Variants in LIMS1 observed in about 807,000 individuals in gnomAD.
LIMS1 encodes LIM and senescent cell antigen-like-containing domain protein 1.
In LIMS1, 18 loss-of-function variants were observed where a neutral mutation model predicts 44.1. That is an observed-to-expected ratio of 0.41 (90% CI 0.28 to 0.61). LIMS1 has a LOEUF of 0.61. LIMS1 is among the 20% of genes least tolerant of loss of function. The probability of loss-of-function intolerance (pLI) is 0.32; values close to 1 mark genes in which losing one functional copy is unlikely to be tolerated. For synonymous variants in LIMS1, 93 were observed against 149.1 expected (o/e 0.62, Z 2.74); for missense variants, 201 against 422.0 (o/e 0.48, Z 4.59).
intron 1 of LIMS1, among the ~76,000 whole-genome samples, chr2:108,650,029 G>A (rs574903399): frequency 3.3e-5 from 5 of 152,120 alleles, no homozygotes; most frequent in East Asian, 3.9e-4. Context: ...TGAGGACCTC[G>A]CACAATCCTA....
At chr2:108,577,342 G>T (rs1397638026) in intron 1 of LIMS1, among the ~76,000 whole-genome samples, 2 of 152,184 alleles carry the variant, frequency 1.3e-5, no homozygotes, top group Non-Finnish European at 2.9e-5. Context: ...GCTGCATTTC[G>T]CAGCGCTTTG....
chr2:108,603,029 G>T (rs572282100), intron 1 of LIMS1, among the ~76,000 whole-genome samples: 62 of 152,236 alleles, frequency 4.1e-4, no homozygotes, highest in South Asian at 8.3e-4. Flanking sequence ...CAAATGATCT[G>T]CCTGCCTTGG....
intron 1 of LIMS1, among the ~76,000 whole-genome samples, chr2:108,569,727 C>T (rs1369675003): frequency 7.1e-6 from 1 of 140,228 alleles, no homozygotes; most frequent in Non-Finnish European, 1.5e-5. Flanking sequence ...TGCCAAGTAG[C>T]TATTATAGCA....
At chr2:108,666,353 T>C (rs1691761192) in intron 2 of LIMS1, among the ~76,000 whole-genome samples, 1 of 142,630 alleles carries the variant, frequency 7.0e-6, no homozygotes, top group African/African-American at 2.6e-5. Context: ...AGTCAAGCTC[T>C]GTCACCTAAA....
In LIMS1 at chr2:108,650,730, C is replaced by T. The variant is rs56826635; in HGVS notation, c.33-8875C>T. 4.6e-3 allele frequency among the ~76,000 whole-genome samples: 708 copies of T among 152,318 alleles called. 7 individuals are homozygous for T. The highest frequency in any genetic ancestry group is 0.015 in the African/African-American group (603 of 41,562). ...CGTGAGCCACTGCACCTGACCACCA[C>T]CTAAACATTCCATGGCCACACTGTT... On this transcript the variant is annotated intron_variant, in intron 1 of 9. Coordinates refer to ENST00000544547, the Ensembl canonical transcript of LIMS1.
intron 8 of LIMS1, among the ~76,000 whole-genome samples, chr2:108,680,365 CAA>C (rs35982119): frequency 3.7e-3 from 254 of 68,200 alleles, no homozygotes; most frequent in African/African-American, 0.012. Context: ...GATTCCGTCT[CAA>C]AAAAAAAAAA....
intron 1 of LIMS1, among the ~76,000 whole-genome samples, chr2:108,595,259 C>A (rs558867853): frequency 1.3e-5 from 2 of 152,114 alleles, no homozygotes; most frequent in Non-Finnish European, 2.9e-5. Flanking sequence ...GAGTGGAAAC[C>A]ACAGCCTTTA....
In LIMS1 at chr2:108,646,165, A is replaced by G. The variant is rs528118020; in HGVS notation, c.33-13440A>G. ...GGGCCTAATAGAACTCTTCACCACA[A>G]ATCAGCAGAATATACACTCTTCTCA... On this transcript the variant is annotated intron_variant, in intron 1 of 9. Coordinates refer to ENST00000544547, the Ensembl canonical transcript of LIMS1. 2.0e-4 allele frequency among the ~76,000 whole-genome samples: 30 copies of G among 152,280 alleles called. 1 individual carries two copies. The South Asian group carries it at 5.8e-3, about 29-fold the overall frequency.
At chr2:108,665,138 G>A (rs1042806347) in intron 2 of LIMS1, among the ~76,000 whole-genome samples, 16 of 152,166 alleles carry the variant, frequency 1.1e-4, no homozygotes, top group Admixed American at 2.6e-4. Context: ...GTACAGATAT[G>A]CACGCCCCTT....
At chr2:108,615,807 A>G (rs1687898055) in intron 1 of LIMS1, among the ~76,000 whole-genome samples, 1 of 152,230 alleles carries the variant, frequency 6.6e-6, no homozygotes, top group South Asian at 2.1e-4. Context: ...AGAGAAGACC[A>G]TGGAGGTCAC....
At chr2:108,628,612 C>T (rs111763726) in intron 1 of LIMS1, among the ~76,000 whole-genome samples, 1,859 of 152,204 alleles carry the variant, frequency 0.012, 46 homozygotes, top group African/African-American at 0.043. Context: ...GAATTACAGG[C>T]GCACCACCAC....
At chr2:108,591,658 CTG>C (rs1447018409) in intron 1 of LIMS1, among the ~76,000 whole-genome samples, 1 of 151,956 alleles carries the variant, frequency 6.6e-6, no homozygotes, top group Non-Finnish European at 1.5e-5. Context: ...CAGAGTCTCA[CTG>C]TGTTGCCCAG....
intron 1 of LIMS1, among the ~76,000 whole-genome samples, chr2:108,643,766 G>A (rs1689872305): frequency 6.6e-6 from 1 of 152,210 alleles, no homozygotes; most frequent in Admixed American, 6.5e-5. Context: ...AAGATCCACT[G>A]GCTTGAAATT....
At chr2:108,680,533 T>A (rs1692904250) in intron 8 of LIMS1, among the ~76,000 whole-genome samples, 162 bp from the exon 9 acceptor site, 2 of 122,494 alleles carry the variant, frequency 1.6e-5, no homozygotes, top group South Asian at 6.0e-4. Context: ...CAAGACCCTG[T>A]CTCATTTAAA....
chr2:108,642,276 G>A (rs1162816397), intron 1 of LIMS1, among the ~76,000 whole-genome samples: 1 of 150,724 alleles, frequency 6.6e-6, no homozygotes, highest in East Asian at 1.9e-4. Flanking sequence ...CAGATATTTG[G>A]TAATGATGTA....
intron 1 of LIMS1, among the ~76,000 whole-genome samples, chr2:108,628,685 C>T (rs1233046877): frequency 1.3e-5 from 2 of 152,158 alleles, no homozygotes; most frequent in African/African-American, 4.8e-5. Context: ...AGGCTGGTCT[C>T]GAACTCCTGA....
intron 1 of LIMS1, among the ~76,000 whole-genome samples, chr2:108,556,425 G>T (rs1039062367): frequency 1.3e-5 from 2 of 152,228 alleles, no homozygotes; most frequent in African/African-American, 2.4e-5. Context: ...GAGCACTGGT[G>T]TACAAATATC....
At chr2:108,568,097 G>A (rs1259105584) in intron 1 of LIMS1, among the ~76,000 whole-genome samples, 2 of 152,118 alleles carry the variant, frequency 1.3e-5, no homozygotes, top group Admixed American at 6.5e-5. Flanking sequence ...TGGGTATTTC[G>A]AAGTTTGGTG....
chr2:108,582,065 T>C (rs1192272823), intron 1 of LIMS1, among the ~76,000 whole-genome samples: 1 of 152,254 alleles, frequency 6.6e-6, no homozygotes, highest in Non-Finnish European at 1.5e-5. Context: ...TAAATGAATT[T>C]AGTTACAGTG....
Sources: gnomAD v4.1 joint callset for allele counts (sites outside exome capture counted in the v4.1 genomes callset) on GRCh38, gnomAD v4.1.1 for gene constraint, MANE v1.5 for transcripts, NCBI Gene and HGNC (gene_info 2026-07-23, HGNC 2026-07-21) for gene names.